The following SLC35D2 variants were observed in gnomAD, a reference collection of about 807,000 sequenced individuals.
The protein encoded by SLC35D2 is nucleotide sugar transporter SLC35D2.
A neutral mutation model predicts 41.8 loss-of-function variants in SLC35D2; 43 were observed. That is an observed-to-expected ratio of 1.03 (90% CI 0.81 to 1.33). SLC35D2 has a LOEUF of 1.33. SLC35D2 is among the 40% of genes most tolerant of loss of function. The pLI is 0.00. For synonymous variants in SLC35D2, 150 were observed against 163.9 expected, an observed-to-expected ratio of 0.92 and a Z score of 0.65; for missense variants, 380 against 408.4, an observed-to-expected ratio of 0.93 and a Z score of 0.60.
At chr9:96,313,705 T>A (rs762457794) in exon 12 of SLC35D2, among the ~76,000 whole-genome samples, 1 of 152,202 alleles carries the variant, frequency 6.6e-6, no homozygotes, top group Non-Finnish European at 1.5e-5. Flanking sequence ...AGACATCTTT[T>A]TGGGCAAGAT....
chr9:96,360,534 CA>C (rs1307076792), intron 3 of SLC35D2, among the ~76,000 whole-genome samples: 2 of 137,924 alleles, frequency 1.5e-5, no homozygotes, highest in Non-Finnish European at 3.0e-5. Context: ...GAGGCTGAGG[CA>C]GGAGAATCAC....
intron 1 of SLC35D2, among the ~76,000 whole-genome samples, chr9:96,380,346 A>G (rs1831144151): frequency 6.6e-6 from 1 of 152,200 alleles, no homozygotes; most frequent in South Asian, 2.1e-4. Context: ...ATGGTCAGTC[A>G]GCACCCTGCT....
At chr9:96,333,777 T>G (rs1299001201) in intron 9 of SLC35D2, among the ~76,000 whole-genome samples, 1 of 152,092 alleles carries the variant, frequency 6.6e-6, no homozygotes, top group Non-Finnish European at 1.5e-5. Context: ...GTGAAGTGCA[T>G]GTTAAAAACA....
chr9:96,314,145 G>C (rs903995225), exon 12 of SLC35D2: 1 of 152,358 alleles, frequency 6.6e-6, no homozygotes, highest in African/African-American at 2.4e-5. Flanking sequence ...CAGCTACTTA[G>C]GAGGCTGAGG....
rs375914591 is a variant in SLC35D2, at chr9:96,358,383, G to GA, written c.347+1770dup. On this transcript the variant is annotated intron_variant, in intron 4 of 11. Coordinates refer to ENST00000253270, the MANE Select transcript of SLC35D2 (RefSeq NM_007001.3). ...AAAACCAGAAGTATAATCCATGAAA[G>GA]AAAAAAAATGATTGTGAACTTCATT... Among the ~76,000 whole-genome samples, 397 of 151,080 alleles carry GA rather than the reference G, an allele frequency of 2.6e-3. 1 individual carries two copies. Among genetic ancestry groups the GA allele is most frequent in the African/African-American group, 9.0e-3 (371 of 41,178 alleles).
chr9:96,344,509 TA>T (rs35407925), intron 7 of SLC35D2, among the ~76,000 whole-genome samples: 25 of 10,026 alleles, frequency 2.5e-3, no homozygotes, highest in Admixed American at 6.6e-3. Context: ...CTTCTACCGT[TA>T]AAAAAAAAAA....
In SLC35D2 at chr9:96,336,792, TA is replaced by T; in HGVS notation, c.685-9del. On this transcript the variant is annotated splice_polypyrimidine_tract_variant and intron_variant, in intron 8 of 11. Transcript: ENST00000253270. ...TTGGTTGAATTCAGTAGCCTATTAT[TA>T]AAAAGAAAAAAACTAATGATTAGGT... 1 of 1,517,918 alleles carries T rather than the reference TA, an allele frequency of 6.6e-7. No homozygotes were observed. The highest frequency in any genetic ancestry group is 1.2e-5 in the South Asian group (1 of 84,244). The allele number at this position is 1,517,918 out of a possible 1,614,324, so 94.0% of individuals were successfully genotyped here.
intron 1 of SLC35D2, among the ~76,000 whole-genome samples, chr9:96,375,152 C>G (rs1001760407): frequency 6.6e-6 from 1 of 151,336 alleles, no homozygotes; most frequent in Non-Finnish European, 1.5e-5. Context: ...CCACGATGCC[C>G]GGCTAATTTT....
chr9:96,374,942 TTATAG>T (rs779333594), intron 1 of SLC35D2, among the ~76,000 whole-genome samples: 5 of 152,004 alleles, frequency 3.3e-5, no homozygotes, highest in African/African-American at 4.8e-5. Context: ...CTCATGTTCA[TTATAG>T]TAAATTTTTT....
At chr9:96,368,345 T>C in intron 1 of SLC35D2, 40 bp from the exon 2 acceptor site, 2 of 1,531,714 alleles carry the variant, frequency 1.3e-6, no homozygotes, top group Non-Finnish European at 9.0e-7. Context: ...TGAGCAAATA[T>C]AAAACTCTGA....
intron 1 of SLC35D2, among the ~76,000 whole-genome samples, chr9:96,376,124 T>A (rs1830942368): frequency 6.7e-6 from 1 of 150,016 alleles, no homozygotes; most frequent in African/African-American, 2.5e-5. Flanking sequence ...TGAAACCCCT[T>A]CTCTACTAAA....
intron 9 of SLC35D2, among the ~76,000 whole-genome samples, chr9:96,330,950 T>C (rs1267492806): frequency 3.3e-5 from 5 of 152,122 alleles, no homozygotes; most frequent in African/African-American, 2.4e-5. Flanking sequence ...CAGGCTAGAG[T>C]GCAATGGCAC....
chr9:96,326,340 T>C (rs1368669361), intron 9 of SLC35D2, among the ~76,000 whole-genome samples: 1 of 152,226 alleles, frequency 6.6e-6, no homozygotes, highest in African/African-American at 2.4e-5. Context: ...TTCACTAAGT[T>C]GTAAATGGAA....
At chr9:96,326,957 G>A (rs2130846879) in intron 9 of SLC35D2, among the ~76,000 whole-genome samples, 1 of 152,292 alleles carries the variant, frequency 6.6e-6, no homozygotes, top group South Asian at 2.1e-4. Context: ...CTGAGTGCCT[G>A]CTCTGCCAGG....
At chr9:96,326,010 T>C (rs1181274652) in intron 9 of SLC35D2, among the ~76,000 whole-genome samples, 3 of 152,252 alleles carry the variant, frequency 2.0e-5, no homozygotes, top group African/African-American at 7.2e-5. Context: ...TTGTAATCTT[T>C]GCAATACTGT....
intron 9 of SLC35D2, among the ~76,000 whole-genome samples, chr9:96,325,627 A>G (rs112303440): frequency 0.026 from 4,028 of 152,278 alleles, 72 homozygotes; most frequent in Middle Eastern, 0.12. Flanking sequence ...AGCTGAGATC[A>G]TACCACTGCA....
In SLC35D2 at chr9:96,345,348, A is replaced by G. The variant is rs760516510; in HGVS notation, c.542T>C (p.Ile181Thr). Residue 181 changes from isoleucine (I) to threonine (T), a missense_variant, in exon 7 of 12, where the codon ATC becomes ACC. Coordinates refer to ENST00000253270, the MANE Select transcript of SLC35D2 (RefSeq NM_007001.3). ...EGYIFVFLND[I>T]FTAANGVYTK... ...ATAAACTCCATTTGCTGCTGTGAAG[A>G]TATCATTCAGGAATACAAAAATATA... is the stretch of plus-strand genomic sequence containing the variant. The G allele has an allele frequency of 1.9e-6, 3 of 1,612,366 alleles. No homozygotes were observed. Among genetic ancestry groups the G allele is most frequent in the East Asian group, 4.5e-5 (2 of 44,852 alleles).
intron 1 of SLC35D2, among the ~76,000 whole-genome samples, chr9:96,371,474 C>CAAAAAAAAAAA (rs539576375): frequency 0.012 from 571 of 46,618 alleles, 52 homozygotes; most frequent in Admixed American, 0.023. Flanking sequence ...GACTCTGTCT[C>CAAAAAAAAAAA]AAAAAAAAAA....
chr9:96,338,174 A>T (rs1479910438), intron 8 of SLC35D2, among the ~76,000 whole-genome samples: 1 of 152,134 alleles, frequency 6.6e-6, no homozygotes, highest in Non-Finnish European at 1.5e-5. Context: ...GCTCAATAAC[A>T]TGATCGAATA....
Sources: gnomAD v4.1 joint callset for allele counts (sites outside exome capture counted in the v4.1 genomes callset) on GRCh38, gnomAD v4.1.1 for gene constraint, MANE v1.5 for transcripts, NCBI Gene and HGNC (gene_info 2026-07-23, HGNC 2026-07-21) for gene names.